STXBP3: variants seen among roughly 807,000 people sequenced by gnomAD.
The protein encoded by STXBP3 is syntaxin binding protein 3.
STXBP3 carries 41 observed loss-of-function variants against 85.7 expected under a neutral mutation model. The ratio of observed to expected loss-of-function variants is 0.48; its 90% CI spans 0.37 to 0.62. STXBP3 has a LOEUF of 0.62. STXBP3 is among the 20% of genes least tolerant of loss of function. The pLI, the probability that STXBP3 is intolerant of heterozygous loss-of-function variation, is 0.00. For synonymous variants in STXBP3, 229 were observed against 231.7 expected (o/e 0.99, Z 0.10); for missense variants, 563 against 703.1 (o/e 0.80, Z 2.25).
intron 6 of STXBP3, among the ~76,000 whole-genome samples, chr1:108,761,738 C>G (rs1015951962): frequency 3.3e-5 from 5 of 151,974 alleles, no homozygotes; most frequent in African/African-American, 1.2e-4. Context: ...TTTGGGAGGC[C>G]GAGGTGGGTG....
chr1:108,746,736 A>T lies in STXBP3; in HGVS notation c.-2A>T. 1 of 1,550,054 alleles carries T rather than the reference A, an allele frequency of 6.5e-7. No homozygotes were observed. Among genetic ancestry groups the T allele is most frequent in the Non-Finnish European group, 8.7e-7 (1 of 1,146,366 alleles). Reference sequence around the variant, plus strand: ...TGGCTGCTGCTCCGCAGTGTCGGGAAGATGGCGCCGCCGGTGGCAGAGAGG... The same window carrying T: ...TGGCTGCTGCTCCGCAGTGTCGGGATGATGGCGCCGCCGGTGGCAGAGAGG... On this transcript the variant is annotated 5_prime_UTR_variant, in exon 1 of 19. It adds an upstream start codon to the 5' untranslated region. Coordinates refer to ENST00000370008, the MANE Select transcript of STXBP3 (RefSeq NM_007269.4).
intron 6 of STXBP3, among the ~76,000 whole-genome samples, chr1:108,765,848 T>A (rs1221472139): frequency 7.6e-6 from 1 of 130,852 alleles, no homozygotes; most frequent in African/African-American, 3.2e-5. Flanking sequence ...CTCCCGGCAT[T>A]TTTTTTTTTT....
intron 8 of STXBP3, among the ~76,000 whole-genome samples, chr1:108,776,776 T>C (rs767169740): frequency 6.6e-6 from 1 of 152,212 alleles, no homozygotes; most frequent in African/African-American, 2.4e-5. Flanking sequence ...TTAAAAGTTA[T>C]GATTAAATGA....
chr1:108,763,710 G>C (rs1662198393), intron 6 of STXBP3, among the ~76,000 whole-genome samples: 1 of 151,764 alleles, frequency 6.6e-6, no homozygotes, highest in Admixed American at 6.6e-5. Context: ...CGAGTAGCTG[G>C]GATTACAGGC....
intron 5 of STXBP3, 30 bp downstream of exon 5, chr1:108,758,618 T>A: frequency 7.5e-7 from 1 of 1,335,470 alleles, no homozygotes; most frequent in Non-Finnish European, 1.0e-6. Context: ...ATTGCTTCAT[T>A]GTTCAAAATG....
intron 1 of STXBP3, among the ~76,000 whole-genome samples, chr1:108,749,623 A>G (rs1661861775): frequency 6.6e-6 from 1 of 152,232 alleles, no homozygotes; most frequent in Non-Finnish European, 1.5e-5. Context: ...ATTTGTTGAT[A>G]TGATTTCCTT....
At chr1:108,755,508 G>A (rs1472289736) in intron 3 of STXBP3, among the ~76,000 whole-genome samples, 3 of 151,662 alleles carry the variant, frequency 2.0e-5, no homozygotes, top group African/African-American at 7.3e-5. Flanking sequence ...CACTATTAAA[G>A]ACCTTTCTCT....
Position 108,782,418 on chromosome 1 carries a change from G to C in STXBP3, c.810-4G>C. The stretch of plus-strand genomic sequence containing the variant: ...AAAGTTTTAGTGCTTCTGTCTACTT[G>C]TAGATATAAAACAGATGGAAAAGAA... On this transcript the variant is annotated splice_region_variant and splice_polypyrimidine_tract_variant and intron_variant, in intron 9 of 18. Transcript: ENST00000370008. 1.2e-6 allele frequency: 2 copies of C among 1,603,640 alleles called. No individual in the cohort carries two copies. The highest frequency in any genetic ancestry group is 1.7e-6 in the Non-Finnish European group (2 of 1,175,160).
chr1:108,760,190 T>C, intron 6 of STXBP3, 105 bp downstream of exon 6: 5 of 617,930 alleles, frequency 8.1e-6, no homozygotes, highest in Non-Finnish European at 1.3e-5. Flanking sequence ...ATGTATTTGG[T>C]GAATTTTGAA....
intron 11 of STXBP3, among the ~76,000 whole-genome samples, chr1:108,785,121 G>A (rs1461692523): frequency 3.3e-5 from 5 of 152,146 alleles, no homozygotes; most frequent in South Asian, 4.1e-4. Context: ...ATGGTGACCC[G>A]CTTCTCACAG....
chr1:108,768,613 T>C (rs1031431647), intron 6 of STXBP3, among the ~76,000 whole-genome samples: 2 of 152,116 alleles, frequency 1.3e-5, no homozygotes, highest in Non-Finnish European at 2.9e-5. Flanking sequence ...GTTGGGGCTA[T>C]TGTACGTAGG....
chr1:108,767,057 G>A, intron 6 of STXBP3: 1 of 390,080 alleles, frequency 2.6e-6, no homozygotes, highest in Middle Eastern at 3.8e-4. Context: ...GTACTCCAAG[G>A]AGATTGCAGC....
intron 6 of STXBP3, among the ~76,000 whole-genome samples, chr1:108,772,402 A>G (rs1284270058): frequency 2.1e-5 from 1 of 48,054 alleles, no homozygotes; most frequent in Admixed American, 1.6e-4. Context: ...ATAAATACAT[A>G]TGATATCTAT....
chr1:108,798,818 A>G (rs1432319441), intron 16 of STXBP3, among the ~76,000 whole-genome samples: 1 of 152,246 alleles, frequency 6.6e-6, no homozygotes, highest in Non-Finnish European at 1.5e-5. Context: ...GCTTTGTTTT[A>G]ATAACTGTAT....
At position 108,748,846 on chromosome 1, in the gene STXBP3, A is replaced by G. The variant is rs1661848777; in HGVS notation, c.49+2060A>G. Among the ~76,000 whole-genome samples, 4 of 152,104 alleles carry G rather than the reference A, an allele frequency of 2.6e-5. 1 individual carries two copies. In the South Asian group the frequency reaches 8.3e-4, roughly 31 times the overall value. On this transcript the variant is annotated intron_variant, in intron 1 of 18. Coordinates refer to ENST00000370008, the MANE Select transcript of STXBP3 (RefSeq NM_007269.4). ...ACTCAGTCTCAAAAAACAAAAACAA[A>G]AATTATTTGGGTAACTTTTGGACTA...
At chr1:108,759,140 A>G (rs929941923) in intron 5 of STXBP3, 1 of 152,220 alleles carries the variant, frequency 6.6e-6, no homozygotes. Context: ...GTCTTATGTT[A>G]CATGTTATAT....
chr1:108,752,372 A>G (rs2101101696), intron 2 of STXBP3, 66 bp downstream of exon 2: 2 of 1,439,150 alleles, frequency 1.4e-6, no homozygotes, highest in East Asian at 2.3e-5. Context: ...CAGTATAAAA[A>G]CTACATAGTA....
At chr1:108,764,907 C>G (rs867061860) in intron 6 of STXBP3, among the ~76,000 whole-genome samples, 43 of 152,130 alleles carry the variant, frequency 2.8e-4, no homozygotes, top group Non-Finnish European at 1.5e-4. Context: ...TCGGTTGTTG[C>G]TTTTGTTGCA....
intron 8 of STXBP3, 56 bp downstream of exon 8, chr1:108,776,479 A>G (rs770114589): frequency 3.0e-6 from 4 of 1,319,708 alleles, no homozygotes; most frequent in African/African-American, 1.5e-5. Flanking sequence ...ATTTCTTTAT[A>G]AGCCAAAGAA....
Sources: allele counts gnomAD v4.1 joint callset (sites outside exome capture counted in the v4.1 genomes callset), GRCh38; gene constraint gnomAD v4.1.1; transcripts MANE v1.5; gene names NCBI Gene and HGNC (gene_info 2026-07-23, HGNC 2026-07-21).